Variants in SLC44A5 observed in about 807,000 individuals in gnomAD.
The protein encoded by SLC44A5 is choline transporter-like protein 5.
SLC44A5 carries 57 observed loss-of-function variants against 101.8 expected under a neutral mutation model. That is an observed-to-expected ratio of 0.56 (90% CI 0.45 to 0.70). The LOEUF is 0.70. SLC44A5 is among the 30% of genes least tolerant of loss of function. The pLI is 0.00. For missense variants in SLC44A5, 737 were observed against 853.1 expected (o/e 0.86, Z 1.70); for synonymous variants, 281 against 290.9 (o/e 0.97, Z 0.35).
At chr1:75,639,471 A>C in the SLC44A5 span, among the ~76,000 whole-genome samples, 1 of 152,098 alleles carries the variant, frequency 6.6e-6, no homozygotes, top group Non-Finnish European at 1.5e-5. Context: ...AAGTAAACTC[A>C]GCTCAGTTTC....
chr1:75,384,993 T>A (rs1371086888), intron 3 of SLC44A5, among the ~76,000 whole-genome samples: 1 of 151,960 alleles, frequency 6.6e-6, no homozygotes, highest in Non-Finnish European at 1.5e-5. Context: ...GAAATAAAGA[T>A]GTTCTTTGAA....
rs542167098 is a variant in SLC44A5, at chr1:75,471,289, C to T, written c.13+70146G>A. ...AATCCCCAGGATGGGAATTTTCCTG[C>T]GAGATGGATTGCTGTTTCATTTGAA... On this transcript the variant is annotated intron_variant, in intron 2 of 23. Transcript: ENST00000370859. 2.6e-5 allele frequency among the ~76,000 whole-genome samples: 4 copies of T among 151,944 alleles called. No homozygotes were observed. The East Asian group carries it at 7.8e-4, about 30-fold the overall frequency.
rs774239818 is a variant in SLC44A5 at position 75,300,672 on chromosome 1, C to T, written c.115G>A (p.Val39Ile). The change falls in exon 5 of 24, where the codon GTT becomes ATT. Residue 39 changes from valine (V) to isoleucine (I), a missense_variant. Around this residue, in one of 3 missense-constraint regions of SLC44A5, gnomAD observed 665 missense variants for 764.4 expected, o/e 0.87. Transcript: ENST00000370859. The part of the protein sequence containing the change: ...GPVANRSCTD[V>I]LCCMIFLLCI... ...AGTAGGAAGATCATACAGCACAGAACATCTGTACAACTCCTAAAGACAAAA... is the reference window on the plus strand; with the variant it reads ...AGTAGGAAGATCATACAGCACAGAATATCTGTACAACTCCTAAAGACAAAA... 13 of 1,595,748 alleles carry T rather than the reference C, an allele frequency of 8.1e-6. No individual in the cohort carries two copies. The highest frequency in any genetic ancestry group is 4.0e-5 in the African/African-American group (3 of 74,246).
intron 4 of SLC44A5, among the ~76,000 whole-genome samples, chr1:75,330,065 G>T (rs971208954): frequency 6.7e-6 from 1 of 149,200 alleles, no homozygotes; most frequent in African/African-American, 2.5e-5. Flanking sequence ...TCTTTCCTAC[G>T]CTAGAATAAT....
At chr1:75,412,218 C>T (rs1459343714) in intron 2 of SLC44A5, among the ~76,000 whole-genome samples, 1 of 152,064 alleles carries the variant, frequency 6.6e-6, no homozygotes, top group African/African-American at 2.4e-5. Context: ...CTTTGTATCT[C>T]CAGCGTATAA....
intron 2 of SLC44A5, among the ~76,000 whole-genome samples, chr1:75,514,728 AT>A (rs1335920057): frequency 1.3e-5 from 2 of 152,224 alleles, no homozygotes; most frequent in Admixed American, 1.3e-4. Flanking sequence ...ATAAAAGTGA[AT>A]TGTTAGAGTC....
intron 2 of SLC44A5, among the ~76,000 whole-genome samples, chr1:75,443,479 T>C (rs1665325943): frequency 6.6e-6 from 1 of 151,978 alleles, no homozygotes; most frequent in Non-Finnish European, 1.5e-5. Context: ...TGCCAATATT[T>C]ATAAACTTAT....
chr1:75,563,096 G>A (rs116532945), intron 1 of SLC44A5, among the ~76,000 whole-genome samples: 2 of 152,198 alleles, frequency 1.3e-5, no homozygotes, highest in Non-Finnish European at 2.9e-5. Flanking sequence ...TCATCATAAT[G>A]TAGTTTTATA....
Position 75,213,961 on chromosome 1 carries a change from A to G in SLC44A5, c.1831T>C (p.Phe611Leu), listed in dbSNP as rs1334684298. Residue 611 changes from phenylalanine to leucine, a missense_variant, in exon 21 of 24, where the codon TTT becomes CTT. Around this residue, in one of 3 missense-constraint regions of SLC44A5, gnomAD observed 665 missense variants for 764.4 expected, o/e 0.87. Transcript: ENST00000370859. ...KVAVTDEVTY[F>L]VLFLGKLLVA... ...AGAAGTTTCCCCAGGAATAATACAAAGTATGTAACTTCATCTGTAACTGCA... is the reference window on the plus strand; with the variant it reads ...AGAAGTTTCCCCAGGAATAATACAAGGTATGTAACTTCATCTGTAACTGCA... 6.3e-7 allele frequency: 1 copy of G among 1,596,188 alleles called. No individual in the cohort carries two copies. Among genetic ancestry groups the G allele is most frequent in the Non-Finnish European group, 8.6e-7 (1 of 1,168,192 alleles).
At chr1:75,283,224 T>G (rs1228088637) in intron 5 of SLC44A5, among the ~76,000 whole-genome samples, 1 of 152,194 alleles carries the variant, frequency 6.6e-6, no homozygotes. Context: ...GTTGTAGTTT[T>G]GATTTGCATT....
At chr1:75,524,378 A>T (rs889158113) in intron 2 of SLC44A5, among the ~76,000 whole-genome samples, 2 of 152,178 alleles carry the variant, frequency 1.3e-5, no homozygotes, top group Non-Finnish European at 2.9e-5. Flanking sequence ...GTAGTTCTTT[A>T]TAGCAGTGTG....
the SLC44A5 span, among the ~76,000 whole-genome samples, chr1:75,672,259 C>A: frequency 2.0e-5 from 3 of 152,266 alleles, no homozygotes; most frequent in East Asian, 5.8e-4. Context: ...GAGTTAGCCA[C>A]ATGTCACAGA....
chr1:75,669,775 C>A, the SLC44A5 span, among the ~76,000 whole-genome samples: 2 of 152,038 alleles, frequency 1.3e-5, no homozygotes, highest in Non-Finnish European at 2.9e-5. Context: ...AATACTTGAG[C>A]AATTTCTTCA....
the SLC44A5 span, among the ~76,000 whole-genome samples, chr1:75,714,462 C>A: frequency 6.6e-6 from 1 of 152,104 alleles, no homozygotes; most frequent in East Asian, 1.9e-4. Context: ...CACTCCTATT[C>A]AACACAGTAC....
chr1:75,314,958 G>A lies in SLC44A5; in HGVS notation c.102-14273C>T, dbSNP rs139794264. Among the ~76,000 whole-genome samples the A allele has an allele frequency of 4.2e-3, 642 of 152,064 alleles. 10 individuals carry two copies. In the South Asian group the frequency reaches 0.047, roughly 11 times the overall value. ...ATACTAGAATACAGTCTCTTATCTG[G>A]GCTTGAGCCTTAAGGCAAAGATTTG... On this transcript the variant is annotated intron_variant, in intron 4 of 23. Transcript: ENST00000370859.
At chr1:75,466,083 C>G (rs536355215) in intron 2 of SLC44A5, among the ~76,000 whole-genome samples, 1 of 152,256 alleles carries the variant, frequency 6.6e-6, no homozygotes, top group East Asian at 1.9e-4. Context: ...AAAAAGGAAA[C>G]TACATGCCAA....
chr1:75,612,640 T>A (rs1675705003), upstream of SLC44A5, among the ~76,000 whole-genome samples: 1 of 152,244 alleles, frequency 6.6e-6, no homozygotes, highest in Non-Finnish European at 1.5e-5. Flanking sequence ...GGCCTCCTCT[T>A]ACTTCATTGT....
intron 1 of SLC44A5, among the ~76,000 whole-genome samples, chr1:75,609,510 T>G (rs1357480123): frequency 6.6e-6 from 1 of 152,076 alleles, no homozygotes; most frequent in Non-Finnish European, 1.5e-5. Context: ...CTGTGAAATC[T>G]TGTGCTGTTG....
the SLC44A5 span, among the ~76,000 whole-genome samples, chr1:75,694,659 C>G: frequency 6.6e-6 from 1 of 152,092 alleles, no homozygotes; most frequent in East Asian, 1.9e-4. Flanking sequence ...CATAGAAAAA[C>G]TGTAGAAATA....
Sources: gnomAD v4.1 joint callset for allele counts (sites outside exome capture counted in the v4.1 genomes callset) on GRCh38, gnomAD v4.1.1 for gene constraint, gnomAD v4.1.1 regional missense constraint, MANE v1.5 for transcripts, NCBI Gene and HGNC (gene_info 2026-07-23, HGNC 2026-07-21) for gene names.